Variants in ZNF560 observed in about 807,000 individuals in gnomAD.
ZNF560 encodes the protein zinc finger protein 560.
A neutral mutation model predicts 81.8 loss-of-function variants in ZNF560; 54 were observed. The observed-to-expected ratio is 0.66, with a 90% CI of 0.53 to 0.83. ZNF560 has a LOEUF of 0.83. Ranked by LOEUF, ZNF560 falls within the 40% of genes least tolerant of loss-of-function variation. The pLI is 0.00. For synonymous variants in ZNF560, 321 were observed against 317.9 expected (o/e 1.01, Z -0.10); for missense variants, 940 against 932.4 (o/e 1.01, Z -0.11).
Position 9,467,964 on chromosome 19 carries a change from G to A in ZNF560, c.983C>T (p.Ala328Val). The change falls in exon 10 of 10, where the codon GCA (alanine) becomes GTA (valine). Residue 328 changes from alanine to valine, a missense_variant. By Grantham distance (64) the Ala-to-Val change is moderately conservative. Coordinates refer to ENST00000301480, the MANE Select transcript of ZNF560 (RefSeq NM_152476.3). The stretch of plus-strand genomic sequence containing the variant: ...AGCATGGCTTGTGGAGTGAGTAAAT[G>A]CTTCCCCACATTGCTTCCATTCATT... ...KLNEWKQCGE[A>V]FTHSTSHAVN... is the part of the protein sequence containing the mutation. 1 of 1,614,120 alleles carries A rather than the reference G, an allele frequency of 6.2e-7. No individual in the cohort carries two copies. Among genetic ancestry groups the A allele is most frequent in the Non-Finnish European group, 8.5e-7 (1 of 1,180,030 alleles).
intron 2 of ZNF560, among the ~76,000 whole-genome samples, chr19:9,483,105 C>T (rs1386145888): frequency 4.0e-5 from 6 of 151,888 alleles, no homozygotes; most frequent in Admixed American, 1.3e-4. Flanking sequence ...AAGTGAGGAG[C>T]GTCTCTGCCT....
Position 9,470,499 on chromosome 19 carries a change from C to T in ZNF560, c.341G>A (p.Ser114Asn), listed in dbSNP as rs866296523. The T allele has an allele frequency of 1.9e-6, 3 of 1,614,160 alleles. No homozygotes were observed. Among genetic ancestry groups the T allele is most frequent in the African/African-American group, 2.7e-5 (2 of 75,048 alleles). ...GIQMDLVTFD[S>N]VAVEFTQEEW... is the part of the protein sequence containing the mutation. Reference sequence around the variant, plus strand: ...TTCCTGGGTGAACTCCACAGCCACACTGTCAAAGGTTACCAGGTCCTAAAC... The same window carrying T: ...TTCCTGGGTGAACTCCACAGCCACATTGTCAAAGGTTACCAGGTCCTAAAC... The change falls in exon 7 of 10, where the codon AGT becomes AAT. Residue 114 changes from serine to asparagine, a missense_variant. Physicochemically the swap from Ser to Asn is conservative, Grantham distance 46. Coordinates refer to ENST00000301480, the MANE Select transcript of ZNF560 (RefSeq NM_152476.3).
At position 9,467,975 on chromosome 19, in the gene ZNF560, T is replaced by C. The variant is rs1022437971; in HGVS notation, c.972A>G (p.Gln324=). The part of the protein sequence containing the change: ...QSGEKLNEWK[Q]CGEAFTHSTS... ...TGGAGTGAGTAAATGCTTCCCCACATTGCTTCCATTCATTGAGTTTTTCTC... is the reference window on the plus strand; with the variant it reads ...TGGAGTGAGTAAATGCTTCCCCACACTGCTTCCATTCATTGAGTTTTTCTC... The change falls in exon 10 of 10, where the codon CAA becomes CAG. Residue 324 remains glutamine, a synonymous_variant. Transcript: ENST00000301480. 2.5e-6 allele frequency: 4 copies of C among 1,614,064 alleles called. No homozygotes were observed. The highest frequency in any genetic ancestry group is 2.2e-5 in the East Asian group (1 of 44,888).
downstream of ZNF560, among the ~76,000 whole-genome samples, chr19:9,464,304 A>G (rs60241089): frequency 0.015 from 2,330 of 152,302 alleles, 56 homozygotes; most frequent in African/African-American, 0.052. Context: ...ACTGCCAATC[A>G]TAGCAGTTAA....
chr19:9,461,732 G>A (rs1243940400), downstream of ZNF560, among the ~76,000 whole-genome samples: 1 of 152,180 alleles, frequency 6.6e-6, no homozygotes, highest in African/African-American at 2.4e-5. Context: ...GAATACTTCT[G>A]ACTTTTGTAT....
intron 2 of ZNF560, among the ~76,000 whole-genome samples, chr19:9,483,351 C>T (rs1364683304): frequency 4.0e-5 from 6 of 149,470 alleles, no homozygotes; most frequent in African/African-American, 1.2e-4. Flanking sequence ...TCTGCCCAGC[C>T]GCCCCGTCTG....
chr19:9,462,616 TTAA>T (rs1325778685), downstream of ZNF560, among the ~76,000 whole-genome samples: 3 of 152,144 alleles, frequency 2.0e-5, no homozygotes, highest in Non-Finnish European at 2.9e-5. Flanking sequence ...CATGCCAATG[TTAA>T]TAATATTTTT....
chr19:9,468,157 C>T lies in ZNF560; in HGVS notation c.790G>A (p.Val264Ile). 1 of 1,614,082 alleles carries T rather than the reference C, an allele frequency of 6.2e-7. No homozygotes were observed. The highest frequency in any genetic ancestry group is 1.3e-5 in the African/African-American group (1 of 75,042). Reference protein sequence around the residue: ...LYNKTSTIRKVSVFSKHGKSF... With the variant: ...LYNKTSTIRKISVFSKHGKSF... The stretch of plus-strand genomic sequence containing the variant: ...TTTCCATGCTTACTGAACACAGAAA[C>T]TTTCCTTATGGTAGAGGTTTTATTG... The change falls in exon 10 of 10, where the codon GTT becomes ATT. Residue 264 changes from valine to isoleucine, a missense_variant. Transcript: ENST00000301480.
rs185834196 is a variant in ZNF560 at position 9,497,352 on chromosome 19, C to T, written c.-57+776G>A. ...GTCGAGCTTACCATCCTGGCTATCA[C>T]GGTGAAACCCCATCTCTACAAAAAT... On this transcript the variant is annotated intron_variant, in intron 2 of 9. Transcript: ENST00000301480. 1.4e-3 allele frequency among the ~76,000 whole-genome samples: 206 copies of T among 151,832 alleles called. 1 individual carries two copies. Among genetic ancestry groups the T allele is most frequent in the Non-Finnish European group, 2.5e-3 (171 of 67,914 alleles).
chr19:9,473,182 G>C lies in ZNF560; in HGVS notation c.235C>G (p.Gln79Glu). The C allele has an allele frequency of 1.9e-6, 3 of 1,613,508 alleles. No individual in the cohort carries two copies. Among genetic ancestry groups the C allele is most frequent in the Non-Finnish European group, 2.5e-6 (3 of 1,179,490 alleles). ...ELRTLQQGVLQDWAIKHQTSV... is the reference protein window; with the variant it reads ...ELRTLQQGVLEDWAIKHQTSV... ...GTTGTTCTTCACAAATACTCACCTT[G>C]GAGAACTCCTTGCTGCAAGGTTCTC... Residue 79 changes from glutamine to glutamate, a missense_variant, in exon 5 of 10, where the codon CAA (glutamine) becomes GAA (glutamate). Coordinates refer to ENST00000301480, the MANE Select transcript of ZNF560 (RefSeq NM_152476.3).
rs1437555979 is a variant in ZNF560 at position 9,468,229 on chromosome 19, T to C, written c.718A>G (p.Asn240Asp). The change falls in exon 10 of 10, where the codon AAC becomes GAC. Residue 240 changes from asparagine to aspartate, a missense_variant. Transcript: ENST00000301480. ...KTNMSTQNRG[N>D]TSECIQYAKD... is the part of the protein sequence containing the mutation. The stretch of plus-strand genomic sequence containing the variant: ...GCATACTGAATACATTCAGACGTGT[T>C]GCCTCTATTTTGAGTACTCATGTTG... 3 of 1,614,160 alleles carry C rather than the reference T, an allele frequency of 1.9e-6. No homozygotes were observed. Among genetic ancestry groups the C allele is most frequent in the East Asian group, 2.2e-5 (1 of 44,874 alleles).
intron 2 of ZNF560, among the ~76,000 whole-genome samples, chr19:9,483,494 T>G (rs2073330266): frequency 1.5e-5 from 2 of 132,462 alleles, no homozygotes; most frequent in African/African-American, 2.9e-5. Context: ...AGGTGGGGGG[T>G]CAGCCCCCGC....
the ZNF560 span, among the ~76,000 whole-genome samples, chr19:9,457,877 C>G: frequency 6.6e-6 from 1 of 152,144 alleles, no homozygotes; most frequent in South Asian, 2.1e-4. Flanking sequence ...TGGCAATTAA[C>G]AAAAGAAGCT....
At chr19:9,502,881 C>T (rs1044425922), upstream of ZNF560, among the ~76,000 whole-genome samples, 10 of 152,020 alleles carry the variant, frequency 6.6e-5, no homozygotes, top group African/African-American at 1.9e-4. Flanking sequence ...TCAATGTTAT[C>T]GATCATTGCA....
chr19:9,501,938 A>G (rs1171173276), upstream of ZNF560, among the ~76,000 whole-genome samples: 1 of 151,850 alleles, frequency 6.6e-6, no homozygotes, highest in Non-Finnish European at 1.5e-5. Context: ...GGATCACTTG[A>G]AGTCAGGACT....
In ZNF560 at chr19:9,467,510, T is replaced by A; in HGVS notation, c.1437A>T (p.Arg479Ser). Residue 479 changes from arginine to serine, a missense_variant, in exon 10 of 10, where the codon AGA becomes AGT. Physicochemically the swap from Arg to Ser is moderately radical, Grantham distance 110 (BLOSUM62 -1). Transcript: ENST00000301480. Reference sequence around the variant, plus strand: ...AGCGTTTCTGTCCTGTGTTACTTCTTCTATCTTCAATAACACCTGAGGATG... The same window carrying A: ...AGCGTTTCTGTCCTGTGTTACTTCTACTATCTTCAATAACACCTGAGGATG... ...FGTSSGVIEDRRSNTGQKRFD... is the reference protein window; with the variant it reads ...FGTSSGVIEDSRSNTGQKRFD... 6.2e-7 allele frequency: 1 copy of A among 1,614,172 alleles called. No homozygotes were observed. The highest frequency in any genetic ancestry group is 8.5e-7 in the Non-Finnish European group (1 of 1,180,034).
intron 5 of ZNF560, among the ~76,000 whole-genome samples, chr19:9,472,274 G>A (rs894797506): frequency 1.3e-5 from 2 of 152,094 alleles, no homozygotes; most frequent in African/African-American, 2.4e-5. Flanking sequence ...TGACATACTC[G>A]GAGTAATAAG....
intron 3 of ZNF560, 39 bp downstream of exon 3, chr19:9,475,245 A>G (rs1403754801): frequency 1.2e-6 from 2 of 1,609,482 alleles, no homozygotes; most frequent in Non-Finnish European, 1.7e-6. Context: ...CTGGTGATGC[A>G]AGTATGTCAT....
chr19:9,484,541 G>A (rs555818029), intron 2 of ZNF560, among the ~76,000 whole-genome samples: 1 of 151,890 alleles, frequency 6.6e-6, no homozygotes, highest in East Asian at 1.9e-4. Context: ...CGGCACTTTG[G>A]GAGGCTGAGG....
Sources: allele counts gnomAD v4.1 joint callset (sites outside exome capture counted in the v4.1 genomes callset), GRCh38; gene constraint gnomAD v4.1.1; transcripts MANE v1.5; gene names NCBI Gene and HGNC (gene_info 2026-07-23, HGNC 2026-07-21).